The following FSTL4 variants were observed in gnomAD, a reference collection of about 807,000 sequenced individuals.
The protein encoded by FSTL4 is follistatin like 4, also known as follistatin-related protein 4.
In FSTL4, 28 loss-of-function variants were observed where a neutral mutation model predicts 78.2. That is an observed-to-expected ratio of 0.36 (90% CI 0.27 to 0.49). FSTL4 has a LOEUF of 0.49. Ranked by LOEUF, FSTL4 falls within the 20% of genes least tolerant of loss-of-function variation. The pLI, the probability that FSTL4 is intolerant of heterozygous loss-of-function variation, is 0.98. For synonymous variants in FSTL4, 422 were observed against 440.5 expected (o/e 0.96, Z 0.53); for missense variants, 922 against 1,084.9 (o/e 0.85, Z 2.11).
chr5:133,676,331 C>T, the FSTL4 span, among the ~76,000 whole-genome samples: 1,404 of 152,304 alleles, frequency 9.2e-3, 20 homozygotes, highest in African/African-American at 0.032. Flanking sequence ...TTTTCAATCC[C>T]TTTCAGATAG....
chr5:133,821,586 T>C, the FSTL4 span, among the ~76,000 whole-genome samples: 1 of 152,120 alleles, frequency 6.6e-6, no homozygotes, highest in Non-Finnish European at 1.5e-5. Context: ...ATTGGCAGTG[T>C]GTGTGCTCAG....
At chr5:133,459,780 C>A (rs1376324655) in intron 3 of FSTL4, among the ~76,000 whole-genome samples, 1 of 152,100 alleles carries the variant, frequency 6.6e-6, no homozygotes, top group South Asian at 2.1e-4. Flanking sequence ...AATGCTGTGG[C>A]GCTGAGTTTT....
chr5:133,596,091 G>A (rs1322392173), intron 2 of FSTL4, among the ~76,000 whole-genome samples: 4 of 152,210 alleles, frequency 2.6e-5, no homozygotes, highest in African/African-American at 9.6e-5. Flanking sequence ...GGTGGGGGAG[G>A]AGGACAGCAG....
intron 3 of FSTL4, among the ~76,000 whole-genome samples, chr5:133,484,125 C>A (rs987459035): frequency 6.6e-6 from 1 of 152,224 alleles, no homozygotes; most frequent in Non-Finnish European, 1.5e-5. Context: ...GGGTGTGGCA[C>A]CTTCTCTGCT....
the FSTL4 span, among the ~76,000 whole-genome samples, chr5:133,793,181 C>T: frequency 6.6e-6 from 1 of 152,342 alleles, no homozygotes; most frequent in Admixed American, 6.5e-5. Flanking sequence ...GGAGGGACCA[C>T]CCTCTTGGTG....
intron 3 of FSTL4, among the ~76,000 whole-genome samples, chr5:133,458,989 G>C (rs562697199): frequency 3.9e-5 from 6 of 152,150 alleles, no homozygotes; most frequent in African/African-American, 1.2e-4. Context: ...GCCTCTGAAA[G>C]TCAGGCTGGT....
the FSTL4 span, among the ~76,000 whole-genome samples, chr5:133,679,439 G>A: frequency 1.3e-5 from 2 of 152,124 alleles, no homozygotes; most frequent in East Asian, 1.9e-4. Context: ...GCACAGTGGG[G>A]ATCGTGCTCC....
At chr5:133,231,734 G>T (rs1221237042) in intron 8 of FSTL4, among the ~76,000 whole-genome samples, 1 of 152,100 alleles carries the variant, frequency 6.6e-6, no homozygotes, top group African/African-American at 2.4e-5. Context: ...GTAGAGACAG[G>T]GTTTCACCAT....
intron 15 of FSTL4, among the ~76,000 whole-genome samples, chr5:133,201,346 A>G (rs1367122378): frequency 6.6e-6 from 1 of 152,154 alleles, no homozygotes; most frequent in Non-Finnish European, 1.5e-5. Flanking sequence ...TGTTTTAGGT[A>G]GTGGCAAACC....
chr5:133,355,400 G>A (rs567065087), intron 4 of FSTL4, among the ~76,000 whole-genome samples: 1 of 152,348 alleles, frequency 6.6e-6, no homozygotes, highest in East Asian at 1.9e-4. Context: ...GCTCACGGCG[G>A]TAATCCCAGC....
intron 14 of FSTL4, 51 bp downstream of exon 14, chr5:133,210,140 A>T: frequency 3.2e-6 from 3 of 923,512 alleles, no homozygotes; most frequent in South Asian, 1.4e-5. Context: ...ATAGGGAGAG[A>T]GTTCTTCTCT....
the FSTL4 span, among the ~76,000 whole-genome samples, chr5:133,741,967 TC>T: frequency 6.6e-6 from 1 of 152,152 alleles, no homozygotes; most frequent in Non-Finnish European, 1.5e-5. Context: ...AGGCATCACC[TC>T]CCCAGGACAA....
chr5:133,705,007 G>C, the FSTL4 span, among the ~76,000 whole-genome samples: 5 of 152,234 alleles, frequency 3.3e-5, no homozygotes, highest in East Asian at 9.6e-4. Flanking sequence ...TTGGATACTG[G>C]CTAAGTGCCT....
chr5:133,831,848 G>T, the FSTL4 span, among the ~76,000 whole-genome samples: 1 of 152,184 alleles, frequency 6.6e-6, no homozygotes, highest in African/African-American at 2.4e-5. Context: ...TGACTCTCTG[G>T]CACCGCTGGA....
At chr5:133,284,030 C>G (rs1383659970) in intron 6 of FSTL4, among the ~76,000 whole-genome samples, 10 of 152,182 alleles carry the variant, frequency 6.6e-5, no homozygotes, top group Admixed American at 5.9e-4. Context: ...ATCCCATGAT[C>G]CAATCACCTC....
At chr5:133,287,685 T>A (rs1333732417) in intron 6 of FSTL4, among the ~76,000 whole-genome samples, 1 of 152,210 alleles carries the variant, frequency 6.6e-6, no homozygotes, top group African/African-American at 2.4e-5. Context: ...CCTGACACTG[T>A]GGTCCCCACT....
intron 3 of FSTL4, among the ~76,000 whole-genome samples, chr5:133,460,087 T>A (rs1025871448): frequency 6.6e-6 from 1 of 152,182 alleles, no homozygotes; most frequent in African/African-American, 2.4e-5. Context: ...AAGTAACCAA[T>A]GGAATCCTCT....
intron 14 of FSTL4, among the ~76,000 whole-genome samples, chr5:133,203,956 G>T (rs934066395): frequency 8.3e-6 from 1 of 119,822 alleles, no homozygotes; most frequent in Non-Finnish European, 1.7e-5. Context: ...ACACAGCTGG[G>T]CCCACAGTGC....
At chr5:133,448,683 G>A (rs1192087142) in intron 3 of FSTL4, among the ~76,000 whole-genome samples, 1 of 139,866 alleles carries the variant, frequency 7.1e-6, no homozygotes, top group Non-Finnish European at 1.5e-5. Flanking sequence ...TTGAGAGGTC[G>A]CTGACAGCTC....
Sources: allele counts gnomAD v4.1 joint callset (sites outside exome capture counted in the v4.1 genomes callset), GRCh38; gene constraint gnomAD v4.1.1; transcripts MANE v1.5; gene names NCBI Gene and HGNC (gene_info 2026-07-23, HGNC 2026-07-21).